Variants in MAGI2 observed in about 807,000 individuals in gnomAD.
MAGI2 encodes membrane-associated guanylate kinase, WW and PDZ domain-containing protein 2.
Under a neutral mutation model 133.3 loss-of-function variants are expected in MAGI2, and 35 were observed. That is an observed-to-expected ratio of 0.26 (90% CI 0.20 to 0.35). The LOEUF (loss-of-function observed/expected upper bound fraction) is 0.35. MAGI2 is among the 10% of genes least tolerant of loss of function. MAGI2 has a pLI of 1.00. For missense variants in MAGI2, 1,636 were observed against 1,863.4 expected (o/e 0.88, Z 2.25); for synonymous variants, 729 against 710.6 (o/e 1.03, Z -0.41).
chr7:78,116,264 T>C (rs1304097103), intron 20 of MAGI2, among the ~76,000 whole-genome samples: 2 of 151,874 alleles, frequency 1.3e-5, no homozygotes, highest in Non-Finnish European at 2.9e-5. Flanking sequence ...TGGAACTTAA[T>C]GAACATACTA....
chr7:78,255,193 A>G (rs1423996738), intron 10 of MAGI2: 1 of 152,338 alleles, frequency 6.6e-6, no homozygotes, highest in Non-Finnish European at 1.5e-5. Flanking sequence ...TCCCTTCCCC[A>G]CAGAAAAGGT....
intron 1 of MAGI2, among the ~76,000 whole-genome samples, chr7:79,163,524 A>G (rs1052377706): frequency 2.0e-5 from 3 of 152,084 alleles, no homozygotes; most frequent in African/African-American, 7.2e-5. Flanking sequence ...GATTTGATTT[A>G]TAACCTCCTC....
At chr7:78,066,217 T>A (rs1239948901) in intron 21 of MAGI2, among the ~76,000 whole-genome samples, 1 of 152,104 alleles carries the variant, frequency 6.6e-6, no homozygotes, top group African/African-American at 2.4e-5. Context: ...ATCCTAGCAC[T>A]CTGGGAGGCC....
At position 78,049,267 on chromosome 7, in the gene MAGI2, A is replaced by G. The variant is rs1811765392; in HGVS notation, c.3707-29291T>C. Among the ~76,000 whole-genome samples, 3 of 152,234 alleles carry G rather than the reference A, an allele frequency of 2.0e-5. No individual in the cohort carries two copies. In the South Asian group the frequency reaches 6.2e-4, roughly 31 times the overall value. ...GGCATCTCATAATTTCCACCACATT[A>G]CCAGTCTCATTAGTAAAGTGCTTCT... On this transcript the variant is annotated intron_variant, in intron 21 of 21. Transcript: ENST00000354212.
At chr7:78,179,809 T>C (rs1430856315) in intron 13 of MAGI2, among the ~76,000 whole-genome samples, 3 of 152,184 alleles carry the variant, frequency 2.0e-5, no homozygotes, top group South Asian at 2.1e-4. Context: ...AGAGGAAAGA[T>C]GAAAATTTTG....
At chr7:78,951,073 G>A (rs375355974) in intron 2 of MAGI2, among the ~76,000 whole-genome samples, 2 of 149,868 alleles carry the variant, frequency 1.3e-5, no homozygotes, top group East Asian at 2.0e-4. Flanking sequence ...CTGGGTTCAA[G>A]CAATTCTCCT....
intron 20 of MAGI2, among the ~76,000 whole-genome samples, chr7:78,109,693 A>T (rs1298431262): frequency 6.6e-6 from 1 of 152,196 alleles, no homozygotes; most frequent in Non-Finnish European, 1.5e-5. Flanking sequence ...AAGCAAAGGC[A>T]GGCTGTTGAA....
At chr7:79,024,326 A>G (rs1809647689) in intron 1 of MAGI2, among the ~76,000 whole-genome samples, 1 of 152,172 alleles carries the variant, frequency 6.6e-6, no homozygotes, top group Non-Finnish European at 1.5e-5. Context: ...ATATACAAAA[A>G]TTAACTCAAG....
intron 2 of MAGI2, among the ~76,000 whole-genome samples, chr7:78,992,186 G>A (rs1413858118): frequency 6.6e-6 from 1 of 152,008 alleles, no homozygotes; most frequent in African/African-American, 2.4e-5. Context: ...GTGATACAGA[G>A]TAGTTAGTTT....
chr7:78,766,585 G>A lies in MAGI2; in HGVS notation c.419-139346C>T, dbSNP rs530581100. ...TACTTGACAGTACACAGTATTGTTAGTTTCCTTAAACACTCTGAAGTTTGA... is the reference window on the plus strand; with the variant it reads ...TACTTGACAGTACACAGTATTGTTAATTTCCTTAAACACTCTGAAGTTTGA... On this transcript the variant is annotated intron_variant, in intron 2 of 21. Transcript: ENST00000354212. Among the ~76,000 whole-genome samples the A allele has an allele frequency of 7.2e-5, 11 of 152,272 alleles. No homozygotes were observed. The South Asian group carries it at 2.3e-3, about 32-fold the overall frequency.
intron 3 of MAGI2, chr7:78,621,191 C>G (rs1807697224): frequency 6.6e-6 from 1 of 151,842 alleles, no homozygotes; most frequent in South Asian, 2.1e-4. Flanking sequence ...TTCATTCCAC[C>G]TCTTGGCATC....
At chr7:78,536,567 C>A (rs925309728) in intron 3 of MAGI2, among the ~76,000 whole-genome samples, 1 of 152,076 alleles carries the variant, frequency 6.6e-6, no homozygotes, top group African/African-American at 2.4e-5. Flanking sequence ...AGGAGAAAAA[C>A]AGAAAACAGA....
chr7:78,449,954 G>A (rs980989747), intron 6 of MAGI2, among the ~76,000 whole-genome samples: 3 of 152,078 alleles, frequency 2.0e-5, no homozygotes, highest in African/African-American at 7.2e-5. Context: ...CACTGTCTTA[G>A]AGGATTACAT....
In MAGI2 at chr7:78,025,955, C is replaced by G. The variant is rs1808870420; in HGVS notation, c.3707-5979G>C. The G allele has an allele frequency of 2.6e-5, 4 of 152,366 alleles. No homozygotes were observed. The South Asian group carries it at 8.3e-4, about 32-fold the overall frequency. The allele number at this position is 152,366 out of a possible 1,614,324, so 9.4% of individuals were successfully genotyped here. On this transcript the variant is annotated intron_variant, in intron 21 of 21. Transcript: ENST00000354212. ...GCTCTGTCCCTGGGAAGTCATTAACCAACATGCCAGAAAATGTTCCAATGA... is the reference window on the plus strand; with the variant it reads ...GCTCTGTCCCTGGGAAGTCATTAACGAACATGCCAGAAAATGTTCCAATGA...
chr7:78,373,389 G>A (rs751476467), intron 6 of MAGI2, among the ~76,000 whole-genome samples: 6 of 152,196 alleles, frequency 3.9e-5, no homozygotes, highest in Admixed American at 2.0e-4. Flanking sequence ...TCGTTTATAC[G>A]GATGTTAATT....
chr7:79,407,861 A>G (rs557850767), intron 1 of MAGI2, among the ~76,000 whole-genome samples: 1 of 152,078 alleles, frequency 6.6e-6, no homozygotes, highest in African/African-American at 2.4e-5. Context: ...TACATAGCAT[A>G]AGGATTGTAC....
At chr7:78,599,120 G>C (rs558243461) in intron 3 of MAGI2, among the ~76,000 whole-genome samples, 1 of 152,100 alleles carries the variant, frequency 6.6e-6, no homozygotes, top group South Asian at 2.1e-4. Context: ...CTTGTATTTT[G>C]GCACCACTAA....
At chr7:78,455,507 T>C (rs561840510) in intron 6 of MAGI2, among the ~76,000 whole-genome samples, 2 of 152,306 alleles carry the variant, frequency 1.3e-5, no homozygotes, top group South Asian at 2.1e-4. Flanking sequence ...GGTACAACTT[T>C]TCAACCAGTT....
intron 1 of MAGI2, among the ~76,000 whole-genome samples, chr7:79,402,911 AC>A (rs1265083267): frequency 1.3e-5 from 2 of 152,170 alleles, no homozygotes; most frequent in East Asian, 3.9e-4. Flanking sequence ...CTTTGGTTCT[AC>A]CCCAGGCTAC....
Sources: gnomAD v4.1 joint callset for allele counts (sites outside exome capture counted in the v4.1 genomes callset) on GRCh38, gnomAD v4.1.1 for gene constraint, MANE v1.5 for transcripts, NCBI Gene and HGNC (gene_info 2026-07-23, HGNC 2026-07-21) for gene names.